PFDN2: variants seen among roughly 807,000 people sequenced by gnomAD.
PFDN2 encodes prefoldin subunit 2.
Under a neutral mutation model 18.3 loss-of-function variants are expected in PFDN2, and 7 were observed. The ratio of observed to expected loss-of-function variants is 0.38; its 90% CI spans 0.22 to 0.72. The LOEUF (loss-of-function observed/expected upper bound fraction) is 0.72. PFDN2 is among the 30% of genes least tolerant of loss of function. PFDN2 has a pLI of 0.47. For synonymous variants in PFDN2, 76 were observed against 75.0 expected, an observed-to-expected ratio of 1.01 and a Z score of -0.07; for missense variants, 181 against 199.1, an observed-to-expected ratio of 0.91 and a Z score of 0.55.
intron 1 of PFDN2, 127 bp downstream of exon 1, chr1:161,117,825 C>T (rs1655007464): frequency 2.3e-6 from 2 of 866,192 alleles, no homozygotes; most frequent in Admixed American, 2.9e-5. Context: ...TTCCGGGGAC[C>T]CTTCCCTCTC....
chr1:161,116,764 CTA>C, intron 1 of PFDN2, among the ~76,000 whole-genome samples: 1 of 152,134 alleles, frequency 6.6e-6, no homozygotes, highest in South Asian at 2.1e-4. Flanking sequence ...ACTCGGGAGG[CTA>C]AGGCAGAAAT....
At chr1:161,105,264 C>T (rs1654654690) in intron 1 of PFDN2, among the ~76,000 whole-genome samples, 1 of 152,038 alleles carries the variant, frequency 6.6e-6, no homozygotes, top group Non-Finnish European at 1.5e-5. Context: ...ACATGTGCCA[C>T]CACGCAATTA....
chr1:161,110,821 T>A (rs1023946749), intron 1 of PFDN2, among the ~76,000 whole-genome samples: 1 of 143,034 alleles, frequency 7.0e-6, no homozygotes, highest in African/African-American at 2.6e-5. Context: ...TTCATGAAAT[T>A]TTTTTTTTTT....
chr1:161,112,071 G>C (rs1309649436), intron 1 of PFDN2, among the ~76,000 whole-genome samples: 1 of 152,142 alleles, frequency 6.6e-6, no homozygotes, highest in Non-Finnish European at 1.5e-5. Context: ...ACCATGACAA[G>C]TTACTTCTTT....
chr1:161,101,088 CTA>C (rs1654547977), intron 3 of PFDN2, among the ~76,000 whole-genome samples: 1 of 152,216 alleles, frequency 6.6e-6, no homozygotes. Context: ...CAAGTTCCTA[CTA>C]TGTTACCCAG....
At chr1:161,102,512 C>A (rs942737541) in intron 1 of PFDN2, 137 bp from the exon 2 acceptor site, 4 of 626,488 alleles carry the variant, frequency 6.4e-6, no homozygotes, top group South Asian at 1.9e-5. Context: ...CACAAGTTTG[C>A]GATTTCTACC....
intron 2 of PFDN2, 44 bp downstream of exon 2, chr1:161,102,242 GC>G (rs767016564): frequency 4.3e-6 from 7 of 1,612,070 alleles, no homozygotes; most frequent in Non-Finnish European, 5.9e-6. Flanking sequence ...TCACGGAGTA[GC>G]CCACACAACT....
chr1:161,117,338 C>T (rs775115491), intron 1 of PFDN2, among the ~76,000 whole-genome samples: 48 of 152,228 alleles, frequency 3.2e-4, no homozygotes, highest in Admixed American at 9.8e-4. Context: ...ACACGGTTCC[C>T]AAGCCACAAA....
chr1:161,102,141 A>C lies in PFDN2; in HGVS notation c.195T>G (p.Asp65Glu). Residue 65 changes from aspartate to glutamate, a missense_variant, in exon 3 of 4, where the codon GAT becomes GAG. By Grantham distance (45) the Asp-to-Glu change is conservative. Coordinates refer to ENST00000368010, the MANE Select transcript of PFDN2 (RefSeq NM_012394.4). ...CCATGCGGTAGCACTTACGAGTTTC[A>C]TCTACCTCCTTCAGTGTATCGATCA... ...SLVIDTLKEV[D>E]ETRKCYRMVG... 1 of 1,614,164 alleles carries C rather than the reference A, an allele frequency of 6.2e-7. No individual in the cohort carries two copies. Among genetic ancestry groups the C allele is most frequent in the Non-Finnish European group, 8.5e-7 (1 of 1,180,012 alleles).
chr1:161,116,663 A>G (rs529431209), intron 1 of PFDN2, among the ~76,000 whole-genome samples: 1 of 151,742 alleles, frequency 6.6e-6, no homozygotes, highest in Admixed American at 6.6e-5. Context: ...CCACTAGACT[A>G]TGCTCTTCGA....
intron 1 of PFDN2, among the ~76,000 whole-genome samples, chr1:161,103,683 CAAAAAAAAAAAAAAAAA>C (rs553472563): frequency 9.9e-4 from 74 of 74,916 alleles, no homozygotes; most frequent in Non-Finnish European, 1.5e-3. Context: ...GACTCCGTCT[CAAAAAAAAAAAAAAAAA>C]AAAAAAAAAA....
At position 161,118,033 on chromosome 1, in the gene PFDN2, C is replaced by T. The variant is rs749143314; in HGVS notation, c.-7G>A. The T allele has an allele frequency of 2.5e-6, 4 of 1,611,066 alleles. No homozygotes were observed. Among genetic ancestry groups the T allele is most frequent in the South Asian group, 1.1e-5 (1 of 90,918 alleles). On this transcript the variant is annotated 5_prime_UTR_variant, in exon 1 of 4. Transcript: ENST00000368010. ...GACCGCTGTTCTCCGCCATCTTCGCCGCCTGCTGGGTTTCCGGCCGGCGCA... is the reference window on the plus strand; with the variant it reads ...GACCGCTGTTCTCCGCCATCTTCGCTGCCTGCTGGGTTTCCGGCCGGCGCA...
chr1:161,104,259 C>T (rs1654635108), intron 1 of PFDN2, among the ~76,000 whole-genome samples: 1 of 152,070 alleles, frequency 6.6e-6, no homozygotes, highest in African/African-American at 2.4e-5. Flanking sequence ...TCTCCAAGTC[C>T]AGAATTGCCC....
At chr1:161,114,117 T>A (rs1236443889) in intron 1 of PFDN2, among the ~76,000 whole-genome samples, 2 of 152,196 alleles carry the variant, frequency 1.3e-5, no homozygotes, top group Non-Finnish European at 2.9e-5. Context: ...GGCTTTATCA[T>A]CCATAAACTC....
At chr1:161,101,475 A>G (rs1654559481) in intron 3 of PFDN2, among the ~76,000 whole-genome samples, 1 of 152,186 alleles carries the variant, frequency 6.6e-6, no homozygotes, top group African/African-American at 2.4e-5. Context: ...CTGGGATTAC[A>G]GGTGTGAGTC....
chr1:161,115,517 G>A (rs1463992414), intron 1 of PFDN2, among the ~76,000 whole-genome samples: 2 of 152,070 alleles, frequency 1.3e-5, no homozygotes, highest in Non-Finnish European at 1.5e-5. Context: ...CAACATTGTC[G>A]TGGCTCAATG....
intron 1 of PFDN2, among the ~76,000 whole-genome samples, chr1:161,108,154 A>G (rs1188600536): frequency 6.7e-6 from 1 of 148,608 alleles, no homozygotes; most frequent in African/African-American, 2.5e-5. Context: ...TAAAAATTAA[A>G]AAAAAAAAAA....
chr1:161,113,685 G>T (rs529772440), intron 1 of PFDN2, among the ~76,000 whole-genome samples: 1 of 152,160 alleles, frequency 6.6e-6, no homozygotes, highest in Non-Finnish European at 1.5e-5. Flanking sequence ...GGAGGCTGAG[G>T]TAGAAGGATC....
Position 161,105,212 on chromosome 1 carries a change from G to A in PFDN2, c.76-2837C>T, listed in dbSNP as rs540330877. On this transcript the variant is annotated intron_variant, in intron 1 of 3. Coordinates refer to ENST00000368010, the MANE Select transcript of PFDN2 (RefSeq NM_012394.4). ...CCCAACTTTTAACTCCTGGGCTCAA[G>A]TGATCCTTCTGCCTCAGCCTCCCAA... Among the ~76,000 whole-genome samples, 8 of 152,360 alleles carry A rather than the reference G, an allele frequency of 5.3e-5. No individual in the cohort carries two copies. The South Asian group carries it at 1.4e-3, about 28-fold the overall frequency.
Sources: allele counts gnomAD v4.1 joint callset (sites outside exome capture counted in the v4.1 genomes callset), GRCh38; gene constraint gnomAD v4.1.1; transcripts MANE v1.5; gene names NCBI Gene and HGNC (gene_info 2026-07-23, HGNC 2026-07-21).